DHDDS: variants seen among roughly 807,000 people sequenced by gnomAD.
DHDDS encodes dehydrodolichyl diphosphate synthase complex subunit DHDDS.
A neutral mutation model predicts 46.2 loss-of-function variants in DHDDS; 16 were observed. The observed-to-expected ratio is 0.35, with a 90% CI of 0.23 to 0.53. The LOEUF is 0.53. Among genes scored for constraint, DHDDS ranks in the 20% least tolerant of loss-of-function variants. The pLI, the probability that DHDDS is intolerant of heterozygous loss-of-function variation, is 0.94. For missense variants in DHDDS, 340 were observed against 423.7 expected (o/e 0.80, Z 1.73); for synonymous variants, 151 against 163.1 (o/e 0.93, Z 0.56).
chr1:26,445,649 G>A (rs1160322599), intron 4 of DHDDS, among the ~76,000 whole-genome samples: 3 of 152,076 alleles, frequency 2.0e-5, no homozygotes, highest in Non-Finnish European at 4.4e-5. Context: ...GGATTTGGAA[G>A]TTAACACTGA....
intron 8 of DHDDS, among the ~76,000 whole-genome samples, chr1:26,463,972 C>T (rs182397352): frequency 6.8e-6 from 1 of 147,864 alleles, no homozygotes; most frequent in Admixed American, 6.8e-5. Flanking sequence ...CCATTTTTAC[C>T]TATGGATCAT....
intron 4 of DHDDS, among the ~76,000 whole-genome samples, chr1:26,445,774 A>T (rs2075261826): frequency 6.6e-6 from 1 of 151,506 alleles, no homozygotes; most frequent in Admixed American, 6.6e-5. Context: ...CTGTAATCTC[A>T]GCACTTGGGA....
chr1:26,432,486 G>A (rs749261444), intron 1 of DHDDS, 110 bp downstream of exon 1: 251 of 206,552 alleles, frequency 1.2e-3, no homozygotes, highest in Non-Finnish European at 2.1e-3. Context: ...GACCACTGAG[G>A]CGTGAAGTAC....
In DHDDS at chr1:26,447,670, G is replaced by C; in HGVS notation, c.542+10G>C. 1.2e-6 allele frequency: 2 copies of C among 1,612,008 alleles called. No homozygotes were observed. Among genetic ancestry groups the C allele is most frequent in the Non-Finnish European group, 1.7e-6 (2 of 1,178,118 alleles). On this transcript the variant is annotated intron_variant, in intron 6 of 8. Coordinates refer to ENST00000236342, the MANE Select transcript of DHDDS (RefSeq NM_205861.3). ...GCCTGTTGGATCCCAGGTATCCCGA[G>C]TTGTTTTGCATGGTAATTGTTAAGG... is the stretch of plus-strand genomic sequence containing the variant.
chr1:26,468,323 C>A (rs1248235309), intron 8 of DHDDS, among the ~76,000 whole-genome samples: 1 of 152,026 alleles, frequency 6.6e-6, no homozygotes, highest in African/African-American at 2.4e-5. Flanking sequence ...AGGATGGTAC[C>A]CTCAGAGGAA....
intron 4 of DHDDS, chr1:26,443,146 C>G (rs2075235364): frequency 4.5e-6 from 2 of 441,540 alleles, no homozygotes; most frequent in Non-Finnish European, 8.1e-6. Flanking sequence ...AAACTGAAAC[C>G]AGGAATTAAA....
intron 4 of DHDDS, among the ~76,000 whole-genome samples, chr1:26,444,142 C>A (rs973000547): frequency 6.6e-6 from 1 of 152,158 alleles, no homozygotes; most frequent in Non-Finnish European, 1.5e-5. Flanking sequence ...AGAAGAGATG[C>A]TAATGAGATT....
chr1:26,435,056 C>A (rs1319791769), intron 2 of DHDDS, among the ~76,000 whole-genome samples: 3 of 151,842 alleles, frequency 2.0e-5, no homozygotes, highest in Non-Finnish European at 2.9e-5. Flanking sequence ...GTCGCCCAGG[C>A]TGGAGTGCAG....
intron 6 of DHDDS, among the ~76,000 whole-genome samples, chr1:26,456,160 G>T (rs1160308151): frequency 6.6e-6 from 1 of 152,136 alleles, no homozygotes; most frequent in Non-Finnish European, 1.5e-5. Context: ...AAAATCCGGT[G>T]TAATGTGGAA....
chr1:26,443,063 A>T (rs1036079520), intron 4 of DHDDS, 190 bp downstream of exon 4: 1 of 566,950 alleles, frequency 1.8e-6, no homozygotes, highest in Non-Finnish European at 2.6e-6. Context: ...TTTTTAATAA[A>T]AAAGGGGGCA....
At chr1:26,464,654 C>T (rs1028692237) in intron 8 of DHDDS, among the ~76,000 whole-genome samples, 4 of 152,192 alleles carry the variant, frequency 2.6e-5, no homozygotes, top group Non-Finnish European at 5.9e-5. Context: ...CCAGGCTTTT[C>T]TCATGTCTCC....
intron 2 of DHDDS, among the ~76,000 whole-genome samples, chr1:26,435,558 C>T (rs12729961): frequency 0.16 from 24,894 of 151,268 alleles, 2,625 homozygotes; most frequent in Admixed American, 0.26. Flanking sequence ...CTGCTTCAGC[C>T]TCCTAAGTAG....
chr1:26,433,485 C>CA (rs1309138227), intron 2 of DHDDS, among the ~76,000 whole-genome samples: 1 of 151,686 alleles, frequency 6.6e-6, no homozygotes, highest in Non-Finnish European at 1.5e-5. Flanking sequence ...CCCGATTCTC[C>CA]AAAAAATTAA....
intron 6 of DHDDS, among the ~76,000 whole-genome samples, chr1:26,456,103 G>A (rs1322049310): frequency 6.6e-6 from 1 of 152,156 alleles, no homozygotes; most frequent in African/African-American, 2.4e-5. Context: ...GCTTGGGAAA[G>A]TAGCTCTTAT....
intron 8 of DHDDS, among the ~76,000 whole-genome samples, chr1:26,460,981 C>G (rs912757629): frequency 1.3e-5 from 2 of 152,196 alleles, no homozygotes; most frequent in Non-Finnish European, 2.9e-5. Flanking sequence ...TTGAACGATT[C>G]TCCTGTCTCA....
chr1:26,439,376 A>C (rs888786666), intron 3 of DHDDS, among the ~76,000 whole-genome samples: 1 of 152,092 alleles, frequency 6.6e-6, no homozygotes, highest in African/African-American at 2.4e-5. Flanking sequence ...TATAAATAGT[A>C]CTGTTTCAGC....
chr1:26,437,522 G>A (rs1465543653), intron 2 of DHDDS, among the ~76,000 whole-genome samples: 1 of 151,270 alleles, frequency 6.6e-6, no homozygotes, highest in African/African-American at 2.4e-5. Flanking sequence ...CCAGGCTGGA[G>A]TGCAGTGGCA....
At chr1:26,460,210 A>T in intron 8 of DHDDS, 66 bp downstream of exon 8, 1 of 1,270,762 alleles carries the variant, frequency 7.9e-7, no homozygotes, top group Non-Finnish European at 1.2e-6. Flanking sequence ...TTGATTGACA[A>T]CCACCTTACT....
intron 8 of DHDDS, chr1:26,462,715 T>C (rs1196216930): frequency 6.6e-6 from 1 of 152,200 alleles, no homozygotes; most frequent in Non-Finnish European, 1.5e-5. Context: ...TTCACGTTTC[T>C]CAGATACTTT....
Sources: gnomAD v4.1 joint callset for allele counts (sites outside exome capture counted in the v4.1 genomes callset) on GRCh38, gnomAD v4.1.1 for gene constraint, MANE v1.5 for transcripts, NCBI Gene and HGNC (gene_info 2026-07-23, HGNC 2026-07-21) for gene names.